UBE2K: variants seen among roughly 807,000 people sequenced by gnomAD.
UBE2K encodes ubiquitin-conjugating enzyme E2 K.
A neutral mutation model predicts 30.0 loss-of-function variants in UBE2K; 6 were observed. That is an observed-to-expected ratio of 0.20 (90% CI 0.11 to 0.39). The LOEUF is 0.39. Among genes scored for constraint, UBE2K ranks in the 10% least tolerant of loss-of-function variants. UBE2K has a pLI of 1.00. For synonymous variants in UBE2K, 86 were observed against 83.7 expected, an observed-to-expected ratio of 1.03 and a Z score of -0.15; for missense variants, 61 against 241.6, an observed-to-expected ratio of 0.25 and a Z score of 4.96.
At chr4:39,731,878 G>A (rs1462713266) in intron 1 of UBE2K, among the ~76,000 whole-genome samples, 1 of 152,102 alleles carries the variant, frequency 6.6e-6, no homozygotes, top group Non-Finnish European at 1.5e-5. Context: ...AACAGTTGTG[G>A]CTTGACTAGG....
At chr4:39,698,531 CCCT>C (rs2109295172) in intron 1 of UBE2K, 141 bp downstream of exon 1, 3 of 749,326 alleles carry the variant, frequency 4.0e-6, no homozygotes, top group East Asian at 2.7e-5. Flanking sequence ...AGCAGTGTTC[CCCT>C]CCTCCTTCCG....
chr4:39,775,061 G>T, intron 5 of UBE2K, 128 bp downstream of exon 5: 1 of 497,272 alleles, frequency 2.0e-6, no homozygotes, highest in Non-Finnish European at 3.4e-6. Flanking sequence ...TCTTTCTTGT[G>T]GTAGGATTAT....
chr4:39,753,606 A>G (rs1721381705), intron 3 of UBE2K, among the ~76,000 whole-genome samples: 1 of 152,248 alleles, frequency 6.6e-6, no homozygotes, highest in African/African-American at 2.4e-5. Context: ...AGGAAACTGC[A>G]GGTGTGTGGA....
intron 4 of UBE2K, chr4:39,771,386 C>A: frequency 6.2e-7 from 1 of 1,612,244 alleles, no homozygotes; most frequent in Non-Finnish European, 8.5e-7. Context: ...CGTAGCGTAG[C>A]GGCCTAGTGG....
intron 4 of UBE2K, among the ~76,000 whole-genome samples, chr4:39,769,213 G>GTTTTTTTTTTTTTTTTGTTTTTTTTT (rs60471860): frequency 7.8e-6 from 1 of 128,692 alleles, no homozygotes; most frequent in Non-Finnish European, 1.7e-5. Flanking sequence ...GTTTCTTTTT[G>GTTTTTTTTTTTTTTTTGTTTTTTTTT]TTTTTTTTTT....
intron 3 of UBE2K, among the ~76,000 whole-genome samples, chr4:39,750,291 A>C (rs215399): frequency 0.82 from 125,154 of 152,186 alleles, 51,880 homozygotes; most frequent in East Asian, 0.92. Context: ...TCACATCTAC[A>C]ATGAAGTGGG....
At chr4:39,715,696 T>A (rs1719022455) in intron 1 of UBE2K, among the ~76,000 whole-genome samples, 1 of 152,162 alleles carries the variant, frequency 6.6e-6, no homozygotes, top group Non-Finnish European at 1.5e-5. Context: ...AATTTTAAGG[T>A]ATTCAGATTT....
chr4:39,736,067 T>G (rs1350444064), intron 1 of UBE2K, among the ~76,000 whole-genome samples: 1 of 152,144 alleles, frequency 6.6e-6, no homozygotes, highest in African/African-American at 2.4e-5. Context: ...TTACACTGTT[T>G]CATCTAGTAA....
At chr4:39,701,720 A>G (rs1409220992) in intron 1 of UBE2K, among the ~76,000 whole-genome samples, 1 of 151,682 alleles carries the variant, frequency 6.6e-6, no homozygotes, top group Admixed American at 6.6e-5. Flanking sequence ...AGTGTTACCT[A>G]TAATTAACTT....
chr4:39,733,006 C>T (rs938489377), intron 1 of UBE2K, among the ~76,000 whole-genome samples: 3 of 138,892 alleles, frequency 2.2e-5, no homozygotes, highest in Non-Finnish European at 4.5e-5. Context: ...TATCTCTGTT[C>T]CTTTTGTGCA....
intron 1 of UBE2K, among the ~76,000 whole-genome samples, chr4:39,726,577 C>T (rs1396880946): frequency 4.0e-5 from 6 of 151,710 alleles, no homozygotes; most frequent in South Asian, 2.1e-4. Context: ...GATTCCCACT[C>T]CCTTCTAGAT....
chr4:39,762,727 T>A (rs1303440389), intron 4 of UBE2K, among the ~76,000 whole-genome samples: 2 of 151,920 alleles, frequency 1.3e-5, no homozygotes, highest in African/African-American at 4.8e-5. Context: ...CTCCGCCTGC[T>A]GGGTTCAAGC....
chr4:39,772,570 T>C (rs978950714), intron 4 of UBE2K, among the ~76,000 whole-genome samples: 3 of 99,740 alleles, frequency 3.0e-5, no homozygotes, highest in African/African-American at 6.9e-5. Flanking sequence ...AGACCCTATC[T>C]CAAAAAAAGA....
intron 4 of UBE2K, chr4:39,761,274 G>C (rs952680044): frequency 1.3e-5 from 2 of 152,148 alleles, no homozygotes; most frequent in African/African-American, 4.8e-5. Flanking sequence ...TCCCAGCCTT[G>C]ACAACATAGT....
chr4:39,722,334 G>C (rs1719470660), intron 1 of UBE2K, among the ~76,000 whole-genome samples: 1 of 152,124 alleles, frequency 6.6e-6, no homozygotes, highest in African/African-American at 2.4e-5. Flanking sequence ...AAGATCCCAA[G>C]TGATGTTGTA....
intron 4 of UBE2K, among the ~76,000 whole-genome samples, chr4:39,774,322 G>C (rs1248164464): frequency 6.6e-6 from 1 of 150,538 alleles, no homozygotes; most frequent in Non-Finnish European, 1.5e-5. Flanking sequence ...AAAGAAAAAA[G>C]GCCGGGCGCA....
intron 4 of UBE2K, among the ~76,000 whole-genome samples, chr4:39,759,600 A>G (rs1711755533): frequency 6.6e-6 from 1 of 152,130 alleles, no homozygotes; most frequent in Non-Finnish European, 1.5e-5. Flanking sequence ...TTATTTCTTA[A>G]TTCCACAACT....
At chr4:39,773,784 G>T (rs1268829801) in intron 4 of UBE2K, among the ~76,000 whole-genome samples, 2 of 152,002 alleles carry the variant, frequency 1.3e-5, no homozygotes, top group African/African-American at 4.8e-5. Context: ...AGCCGGGCGT[G>T]GTGGCGGGCG....
At chr4:39,777,956 G>A (rs757018588) in intron 6 of UBE2K, 146 bp downstream of exon 6, 1 of 702,130 alleles carries the variant, frequency 1.4e-6, no homozygotes, top group Non-Finnish European at 2.1e-6. Flanking sequence ...AAATTAGCTG[G>A]ACATGGTAGT....
Sources: gnomAD v4.1 joint callset for allele counts (sites outside exome capture counted in the v4.1 genomes callset) on GRCh38, gnomAD v4.1.1 for gene constraint, MANE v1.5 for transcripts, NCBI Gene and HGNC (gene_info 2026-07-23, HGNC 2026-07-21) for gene names.